Variants in MAP2K7 observed in about 807,000 individuals in gnomAD.
MAP2K7 encodes dual specificity mitogen-activated protein kinase kinase 7.
Under a neutral mutation model 47.7 loss-of-function variants are expected in MAP2K7, and 12 were observed. The observed-to-expected ratio is 0.25, with a 90% CI of 0.16 to 0.41. The LOEUF (loss-of-function observed/expected upper bound fraction) is 0.41, where lower values mean the gene tolerates loss of function less well. Among genes scored for constraint, MAP2K7 ranks in the 10% least tolerant of loss-of-function variants. MAP2K7 has a pLI of 1.00. For synonymous variants in MAP2K7, 299 were observed against 243.0 expected, an observed-to-expected ratio of 1.23 and a Z score of -2.14; for missense variants, 415 against 600.3, an observed-to-expected ratio of 0.69 and a Z score of 3.23.
chr19:7,911,591 C>T lies in MAP2K7; in HGVS notation c.1079+13C>T, dbSNP rs1427561314. ...TCGTCAAAGACTGGTGAGAACCTCC[C>T]TCCACTTGGGAGGTCAGGGACAGCC... On this transcript the variant is annotated intron_variant, in intron 9 of 10. Transcript: ENST00000397979. 3.8e-6 allele frequency: 6 copies of T among 1,573,784 alleles called. No homozygotes were observed. The highest frequency in any genetic ancestry group is 1.1e-5 in the South Asian group (1 of 88,774).
At position 7,914,237 on chromosome 19, in the gene MAP2K7, C is replaced by T. The variant is rs368777564; in HGVS notation, c.*1806C>T. On this transcript the variant is annotated 3_prime_UTR_variant, in exon 11 of 11. Coordinates refer to ENST00000397979, the MANE Select transcript of MAP2K7 (RefSeq NM_145185.4). The stretch of plus-strand genomic sequence containing the variant: ...CCCCCTTCAGTGTTAAGTGGGGAGC[C>T]CTGGGGGAGTCTCTCCTGCCTCCCA... 2 of 152,340 alleles carry T rather than the reference C, an allele frequency of 1.3e-5. No individual in the cohort carries two copies. Among genetic ancestry groups the T allele is most frequent in the Admixed American group, 6.5e-5 (1 of 15,272 alleles). 9.4% of individuals were successfully genotyped at this position (152,340 alleles called of 1,614,324 possible).
chr19:7,910,142 C>T lies in MAP2K7; in HGVS notation c.333+13C>T, dbSNP rs1396616075. The T allele has an allele frequency of 6.2e-7, 1 of 1,603,556 alleles. No individual in the cohort carries two copies. The highest frequency in any genetic ancestry group is 1.3e-5 in the African/African-American group (1 of 74,636). On this transcript the variant is annotated intron_variant, in intron 3 of 10. Coordinates refer to ENST00000397979, the MANE Select transcript of MAP2K7 (RefSeq NM_145185.4). ...CATCGGGGGCCAGGTACCACCTTCACTGTGGCGGGGAGAGGGAGGAGGCCC... is the reference window on the plus strand; with the variant it reads ...CATCGGGGGCCAGGTACCACCTTCATTGTGGCGGGGAGAGGGAGGAGGCCC...
chr19:7,906,218 A>G (rs1431203619), intron 1 of MAP2K7: 5 of 292,752 alleles, frequency 1.7e-5, no homozygotes, highest in South Asian at 4.7e-5. Context: ...GCCTGTGCCT[A>G]TGGATCTCTC....
In MAP2K7 at chr19:7,910,289, G is replaced by T; in HGVS notation, c.363G>T (p.Glu121Asp). 1 of 1,613,352 alleles carries T rather than the reference G, an allele frequency of 6.2e-7. No individual in the cohort carries two copies. Among genetic ancestry groups the T allele is most frequent in the Non-Finnish European group, 8.5e-7 (1 of 1,179,952 alleles). Residue 121 changes from glutamate to aspartate, a missense_variant, in exon 4 of 11, where the codon GAG becomes GAT. Glu to Asp is a conservative substitution (Grantham distance 45, BLOSUM62 2). This residue lies in a region of MAP2K7 where 206 missense variants were observed against 368.8 expected (regional missense o/e 0.56). Coordinates refer to ENST00000397979, the MANE Select transcript of MAP2K7 (RefSeq NM_145185.4). ...ACCAGGCAGAAATCAACGACCTGGA[G>T]AACTTGGGCGAGATGGGCAGCGGCA... Reference protein sequence around the residue: ...QRYQAEINDLENLGEMGSGTC... With the variant: ...QRYQAEINDLDNLGEMGSGTC...
At chr19:7,904,490 T>C in intron 1 of MAP2K7, 1 of 349,530 alleles carries the variant, frequency 2.9e-6, no homozygotes, top group Non-Finnish European at 5.7e-6. Context: ...TGGGGGCTTG[T>C]CAGCCCCGTG....
intron 1 of MAP2K7, among the ~76,000 whole-genome samples, chr19:7,908,791 C>A (rs1032086491): frequency 6.6e-6 from 1 of 152,084 alleles, no homozygotes; most frequent in Admixed American, 6.5e-5. Flanking sequence ...GACCCTAGCT[C>A]CTCCGGGAAG....
rs762444751 is a variant in MAP2K7 at position 7,910,662 on chromosome 19, GAC to G, written c.568-30_568-29del. On this transcript the variant is annotated intron_variant, in intron 5 of 10. Coordinates refer to ENST00000397979, the MANE Select transcript of MAP2K7 (RefSeq NM_145185.4). ...AGAGCCTCTGGGGGGTGGGCCGGAA[GAC>G]ACAGCTCCCCCGGGTGCCCCTCTCC... 28 of 1,607,012 alleles carry G rather than the reference GAC, an allele frequency of 1.7e-5. No individual in the cohort carries two copies. In the South Asian group the frequency reaches 2.9e-4, roughly 16 times the overall value.
intron 1 of MAP2K7, chr19:7,904,485 G>C (rs751365015): frequency 8.3e-6 from 3 of 359,556 alleles, no homozygotes; most frequent in South Asian, 5.7e-5. Context: ...CGGCCTGGGG[G>C]CTTGTCAGCC....
chr19:7,912,246 G>T, intron 10 of MAP2K7, 51 bp from the exon 11 acceptor site: 1 of 1,613,634 alleles, frequency 6.2e-7, no homozygotes, highest in African/African-American at 1.3e-5. Context: ...GAGGCGCGAG[G>T]CCAGGAGGGA....
chr19:7,911,672 T>A, intron 9 of MAP2K7, 94 bp downstream of exon 9: 1 of 1,297,540 alleles, frequency 7.7e-7, no homozygotes, highest in Non-Finnish European at 1.0e-6. Context: ...GGCCGCACCC[T>A]GGGATGGGCG....
Position 7,910,133 on chromosome 19 carries a change from C to T in MAP2K7, c.333+4C>T. The T allele has an allele frequency of 6.2e-7, 1 of 1,605,948 alleles. No individual in the cohort carries two copies. Among genetic ancestry groups the T allele is most frequent in the Admixed American group, 1.7e-5 (1 of 58,464 alleles). ...CTACCTGACCATCGGGGGCCAGGTA[C>T]CACCTTCACTGTGGCGGGGAGAGGG... On this transcript the variant is annotated splice_donor_region_variant and intron_variant, in intron 3 of 10. Coordinates refer to ENST00000397979, the MANE Select transcript of MAP2K7 (RefSeq NM_145185.4).
At chr19:7,911,390 GGGA>G in intron 8 of MAP2K7, 43 bp from the exon 9 acceptor site, 1 of 1,613,420 alleles carries the variant, frequency 6.2e-7, no homozygotes. Context: ...GGGACTCGGA[GGGA>G]GGAGAACATA....
At chr19:7,910,958 A>AC (rs750393970) in intron 6 of MAP2K7, 22 bp from the exon 7 acceptor site, 18 of 1,600,336 alleles carry the variant, frequency 1.1e-5, no homozygotes, top group East Asian at 6.7e-5. Flanking sequence ...TGCCACATGC[A>AC]CCCCCCTCTG....
rs1484629360 is a variant in MAP2K7, at chr19:7,904,573, C to T, written c.124+505C>T. 3.1e-5 allele frequency: 6 copies of T among 194,050 alleles called. No homozygotes were observed. The Middle Eastern group carries it at 2.7e-3, about 87-fold the overall frequency. The allele number at this position is 194,050 out of a possible 1,614,324, so 12.0% of individuals were successfully genotyped here. ...GGTTACTTGACCACATAGAGCCCCT[C>T]CCCATCTCTTCTGACCCGAGGATTC... On this transcript the variant is annotated intron_variant, in intron 1 of 10. Transcript: ENST00000397979.
intron 2 of MAP2K7, 27 bp from the exon 3 acceptor site, chr19:7,910,036 C>T: frequency 6.3e-7 from 1 of 1,578,208 alleles, no homozygotes; most frequent in African/African-American, 1.4e-5. Context: ...GGACCCACCT[C>T]CACCGGCACC....
In MAP2K7 at chr19:7,910,368, G is replaced by GTTAAGGTGAGCT. The variant is rs1405216255; in HGVS notation, c.447+6_447+7insTTTAAGGTGAGC. ...CCGGAAGACCGGCCACGTCATTGCC[G>GTTAAGGTGAGCT]TTAAGGTGAGCCTTGGCGGCTACCC... is the stretch of plus-strand genomic sequence containing the variant. On this transcript the variant is annotated inframe_insertion, in exon 4 of 11. Transcript: ENST00000397979. 6.2e-7 allele frequency: 1 copy of GTTAAGGTGAGCT among 1,611,932 alleles called. No individual in the cohort carries two copies. The highest frequency in any genetic ancestry group is 1.3e-5 in the African/African-American group (1 of 74,906).
At chr19:7,904,092 GGGGCGGGC>G in intron 1 of MAP2K7, 24 bp downstream of exon 1, 7 of 1,249,654 alleles carry the variant, frequency 5.6e-6, no homozygotes, top group Non-Finnish European at 6.0e-6. Flanking sequence ...CGTGGGGGAG[GGGGCGGGC>G]GGGCGGGGCG....
intron 1 of MAP2K7, chr19:7,906,144 G>T (rs1036480098): frequency 4.1e-6 from 2 of 488,238 alleles, no homozygotes; most frequent in South Asian, 2.6e-5. Context: ...CCGGGGGTGG[G>T]GGGGGTGCAC....
rs1229680714 is a variant in MAP2K7, at chr19:7,913,703, T to C, written c.*1272T>C. On this transcript the variant is annotated 3_prime_UTR_variant, in exon 11 of 11. Transcript: ENST00000397979. ...GGGGTGGCCAGAGCAGGAGGGGGTG[T>C]GTTTCCTTTTTGTGGGTGTTGCATG... The C allele has an allele frequency of 6.6e-6, 1 of 151,748 alleles. No individual in the cohort carries two copies. The highest frequency in any genetic ancestry group is 1.5e-5 in the Non-Finnish European group (1 of 67,914). The allele number at this position is 151,748 out of a possible 1,614,324, so 9.4% of individuals were successfully genotyped here.
Sources: gnomAD v4.1 joint callset for allele counts (sites outside exome capture counted in the v4.1 genomes callset) on GRCh38, gnomAD v4.1.1 for gene constraint, gnomAD v4.1.1 regional missense constraint, MANE v1.5 for transcripts, NCBI Gene and HGNC (gene_info 2026-07-23, HGNC 2026-07-21) for gene names.